Variants in ITGA6 observed in about 807,000 individuals in gnomAD.
ITGA6 encodes the protein integrin subunit alpha 6.
Under a neutral mutation model 133.6 loss-of-function variants are expected in ITGA6, and 63 were observed. The ratio of observed to expected loss-of-function variants is 0.47; its 90% CI spans 0.38 to 0.58. The LOEUF is 0.58. Ranked by LOEUF, ITGA6 falls within the 20% of genes least tolerant of loss-of-function variation. The pLI, the probability that ITGA6 is intolerant of heterozygous loss-of-function variation, is 0.00. For missense variants in ITGA6, 1,068 were observed against 1,309.4 expected, an observed-to-expected ratio of 0.82 and a Z score of 2.85; for synonymous variants, 434 against 482.0, an observed-to-expected ratio of 0.90 and a Z score of 1.30.
Position 172,491,006 on chromosome 2 carries a change from G to T in ITGA6, c.2680-18G>T, listed in dbSNP as rs759084521. On this transcript the variant is annotated intron_variant, in intron 20 of 25. Coordinates refer to ENST00000684293, the MANE Select transcript of ITGA6 (RefSeq NM_000210.4). This position sits in a 1 kb window ranked among gnomAD's most constrained non-coding sequence, Gnocchi z 4.4. ...GAATTACATAAATTGGAACTATTTT[G>T]GATATAATTTTTTTCAGGAGTCTCA... 8 of 1,199,126 alleles carry T rather than the reference G, an allele frequency of 6.7e-6. No individual in the cohort carries two copies. In the African/African-American group the frequency reaches 9.0e-5, roughly 13 times the overall value. 74.3% of individuals were successfully genotyped at this position (1,199,126 alleles called of 1,614,324 possible).
Position 172,491,151 on chromosome 2 carries a change from T to G in ITGA6, c.2778+29T>G, listed in dbSNP as rs1006417007. On this transcript the variant is annotated intron_variant, in intron 21 of 25. Coordinates refer to ENST00000684293, the MANE Select transcript of ITGA6 (RefSeq NM_000210.4). The surrounding 1 kb of genome is among the most constrained non-coding windows in gnomAD (Gnocchi z 4.4). ...AGTATTTTTCAAGAGCTGTGAATAT[T>G]TGAGAGGATGAGGGGAAGGATTTCT... 2.1e-6 allele frequency: 3 copies of G among 1,423,266 alleles called. No individual in the cohort carries two copies. The highest frequency in any genetic ancestry group is 2.3e-5 in the East Asian group (1 of 43,998). The allele number at this position is 1,423,266 out of a possible 1,614,324, so 88.2% of individuals were successfully genotyped here. A position where few individuals can be genotyped will look rare whatever the true frequency, so the allele number is the denominator to read the frequency against.
Position 172,487,415 on chromosome 2 carries a change from T to G in ITGA6, c.2122T>G (p.Leu708Val), listed in dbSNP as rs746228072. Residue 708 changes from leucine to valine, a missense_variant, in exon 15 of 26, where the codon TTA (leucine) becomes GTA (valine). Leu to Val is a conservative substitution (Grantham distance 32, BLOSUM62 1). This residue lies in a region of ITGA6 where 609 missense variants were observed against 707.2 expected (regional missense o/e 0.86). Transcript: ENST00000684293. ...AKLIATFPDT[L>V]TYSAYRELRA... is the part of the protein sequence containing the mutation. The stretch of plus-strand genomic sequence containing the variant: ...ACTGATTGCAACGTTTCCAGACACT[T>G]TAACCTATTCTGCATATAGAGAACT... 6.2e-7 allele frequency: 1 copy of G among 1,614,146 alleles called. No homozygotes were observed. The highest frequency in any genetic ancestry group is 1.7e-5 in the Admixed American group (1 of 60,026).
chr2:172,480,780 G>C (rs1196526010), intron 11 of ITGA6: 8 of 152,138 alleles, frequency 5.3e-5, no homozygotes, highest in Admixed American at 4.6e-4. Context: ...TCCTTTTTTT[G>C]TAATTCAAAG....
intron 11 of ITGA6, 32 bp downstream of exon 11, chr2:172,480,083 C>T (rs112850696): frequency 2.4e-5 from 30 of 1,257,496 alleles, no homozygotes; most frequent in African/African-American, 1.8e-4. Context: ...AATATGTCTA[C>T]TTTCTGTCTG....
At position 172,427,806 on chromosome 2, in the gene ITGA6, G is replaced by A; in HGVS notation, c.18G>A (p.Gln6=). 3 of 1,599,310 alleles carry A rather than the reference G, an allele frequency of 1.9e-6. No individual in the cohort carries two copies. The highest frequency in any genetic ancestry group is 2.6e-6 in the Non-Finnish European group (3 of 1,174,116). The change falls in exon 1 of 26, where the codon CAG becomes CAA. Residue 6 remains glutamine, a synonymous_variant. Coordinates refer to ENST00000684293, the MANE Select transcript of ITGA6 (RefSeq NM_000210.4). MAAAG[Q]LCLLYLSAGL... ...GTCCGCCCATGGCCGCCGCCGGGCA[G>A]CTGTGCTTGCTCTACCTGTCGGCGG...
intron 1 of ITGA6, among the ~76,000 whole-genome samples, chr2:172,436,018 T>C (rs916691493): frequency 6.6e-6 from 1 of 152,106 alleles, no homozygotes; most frequent in African/African-American, 2.4e-5. Flanking sequence ...AGGGATATTA[T>C]TAATATTTGC....
At chr2:172,436,377 G>C (rs943016921) in intron 1 of ITGA6, among the ~76,000 whole-genome samples, 1 of 152,172 alleles carries the variant, frequency 6.6e-6, no homozygotes, top group South Asian at 2.1e-4. Context: ...ACCTTCTAAG[G>C]CTTGCCCTAT....
chr2:172,450,799 A>T (rs1368492681), intron 1 of ITGA6, among the ~76,000 whole-genome samples: 1 of 148,174 alleles, frequency 6.7e-6, no homozygotes, highest in Non-Finnish European at 1.5e-5. Flanking sequence ...TACTAAATAT[A>T]TATATATTTT....
chr2:172,435,371 C>G (rs565667081), intron 1 of ITGA6, among the ~76,000 whole-genome samples: 61 of 152,168 alleles, frequency 4.0e-4, no homozygotes, highest in African/African-American at 1.4e-3. Flanking sequence ...AGGCCCCATT[C>G]CCCTGATATA....
At chr2:172,430,577 T>G (rs1279709550) in intron 1 of ITGA6, among the ~76,000 whole-genome samples, 1 of 152,218 alleles carries the variant, frequency 6.6e-6, no homozygotes, top group African/African-American at 2.4e-5. Context: ...ATGTTTGTAG[T>G]TCAAATTTTC....
chr2:172,457,925 G>GACCT (rs1685278773), intron 1 of ITGA6, among the ~76,000 whole-genome samples: 1 of 152,200 alleles, frequency 6.6e-6, no homozygotes, highest in Non-Finnish European at 1.5e-5. Context: ...CTGGGCTTAT[G>GACCT]ACCTTAGCAG....
At chr2:172,468,123 C>T (rs1198606172) in intron 3 of ITGA6, among the ~76,000 whole-genome samples, 1 of 152,040 alleles carries the variant, frequency 6.6e-6, no homozygotes, top group Non-Finnish European at 1.5e-5. Context: ...GTATTAAAAA[C>T]AAAACAAAAC....
chr2:172,432,514 G>A (rs1017877149), intron 1 of ITGA6, among the ~76,000 whole-genome samples: 5 of 152,262 alleles, frequency 3.3e-5, no homozygotes, highest in African/African-American at 1.2e-4. Context: ...CCTGCTGAGG[G>A]TGGAGAGAGG....
chr2:172,456,480 C>A (rs938426875), intron 1 of ITGA6, among the ~76,000 whole-genome samples: 1 of 152,190 alleles, frequency 6.6e-6, no homozygotes. Flanking sequence ...AACTAGGACA[C>A]GTTTAATGAA....
At chr2:172,467,754 A>G (rs1164310830) in intron 3 of ITGA6, among the ~76,000 whole-genome samples, 194 bp downstream of exon 3, 1 of 152,224 alleles carries the variant, frequency 6.6e-6, no homozygotes, top group African/African-American at 2.4e-5. Flanking sequence ...TGTGAGGCCA[A>G]GGCGGGCGGA....
rs749213437 is a variant in ITGA6 at position 172,469,346 on chromosome 2, T to C, written c.609T>C (p.Ile203=). The change falls in exon 4 of 26, where the codon ATT becomes ATC. Residue 203 remains isoleucine (I), a synonymous_variant. Coordinates refer to ENST00000684293, the MANE Select transcript of ITGA6 (RefSeq NM_000210.4). ...AATFTKDFHY[I]VFGAPGTYNW... ...CTTTTACTAAAGACTTTCATTACAT[T>C]GTATTTGGAGCCCCGGGTACTTATA... 3 of 1,613,996 alleles carry C rather than the reference T, an allele frequency of 1.9e-6. No homozygotes were observed. Among genetic ancestry groups the C allele is most frequent in the East Asian group, 2.2e-5 (1 of 44,898 alleles).
At chr2:172,468,509 A>C (rs1209083927) in intron 3 of ITGA6, among the ~76,000 whole-genome samples, 1 of 152,238 alleles carries the variant, frequency 6.6e-6, no homozygotes, top group Non-Finnish European at 1.5e-5. Context: ...TTAGCCATTC[A>C]TACCCTGTAG....
At position 172,504,998 on chromosome 2, in the gene ITGA6, A is replaced by G. The variant is rs1411764439; in HGVS notation, c.*930A>G. The stretch of plus-strand genomic sequence containing the variant: ...GGTTGGTTTAATCAATCAGAATTAG[A>G]GCATGGGAGGTCATCACTTTGACCT... On this transcript the variant is annotated 3_prime_UTR_variant, in exon 26 of 26. Transcript: ENST00000684293. 6.6e-6 allele frequency: 1 copy of G among 152,664 alleles called. No homozygotes were observed. The highest frequency in any genetic ancestry group is 1.5e-5 in the Non-Finnish European group (1 of 68,040). The allele number at this position is 152,664 out of a possible 1,614,324, so 9.5% of individuals were successfully genotyped here.
chr2:172,503,906 C>T (rs1050672227), intron 25 of ITGA6, 185 bp from the exon 26 acceptor site: 4 of 410,862 alleles, frequency 9.7e-6, no homozygotes, highest in African/African-American at 8.2e-5. Context: ...CTGTTCTCTT[C>T]CGTTGATCCC....
Sources: gnomAD v4.1 joint callset for allele counts (sites outside exome capture counted in the v4.1 genomes callset) on GRCh38, gnomAD v4.1.1 for gene constraint, gnomAD v4.1.1 regional missense constraint, Gnocchi (gnomAD v3.1) non-coding constraint, MANE v1.5 for transcripts, NCBI Gene and HGNC (gene_info 2026-07-23, HGNC 2026-07-21) for gene names.